Variants in NBAS observed in about 807,000 individuals in gnomAD.
The protein encoded by NBAS is NBAS subunit of NRZ tethering complex, also known as NAG/BC035112 fusion.
A neutral mutation model predicts 302.5 loss-of-function variants in NBAS; 219 were observed. The observed-to-expected ratio is 0.72, with a 90% CI of 0.65 to 0.81. The LOEUF (loss-of-function observed/expected upper bound fraction) is 0.81, where lower values mean the gene tolerates loss of function less well. NBAS is among the 30% of genes least tolerant of loss of function. The pLI is 0.00. For missense variants in NBAS, 2,932 were observed against 2,841.6 expected (o/e 1.03, Z -0.72); for synonymous variants, 1,118 against 1,021.6 (o/e 1.09, Z -1.80).
the NBAS span, among the ~76,000 whole-genome samples, chr2:14,812,655 C>T: frequency 6.6e-6 from 1 of 152,106 alleles, no homozygotes; most frequent in Admixed American, 6.5e-5. Context: ...AGAAGACAGG[C>T]TAGGAATTTC....
At chr2:15,533,679 CGT>C (rs59222907) in intron 9 of NBAS, among the ~76,000 whole-genome samples, 3,906 of 143,928 alleles carry the variant, frequency 0.027, 84 homozygotes, top group East Asian at 0.086. Context: ...GGGGGGTGTG[CGT>C]GTGTGTGTGT....
chr2:15,475,688 T>C lies in NBAS; in HGVS notation c.1340A>G (p.Glu447Gly), dbSNP rs1680158162. The C allele has an allele frequency of 1.2e-6, 2 of 1,613,850 alleles. No individual in the cohort carries two copies. The highest frequency in any genetic ancestry group is 2.2e-5 in the South Asian group (2 of 91,072). Residue 447 changes from glutamate (E) to glycine (G), a missense_variant and splice_region_variant, in exon 14 of 52, where the codon GAG becomes GGG. Physicochemically the swap from Glu to Gly is moderately conservative, Grantham distance 98. Coordinates refer to ENST00000281513, the MANE Select transcript of NBAS (RefSeq NM_015909.4). ...ATHDGGFLSL[E>G]CEIKLAPKRS... ...CAAACAAACAGGAAAAAGCCTTACC[T>C]CCAAACTTAAAAATCCCCCATCATG...
chr2:14,785,160 C>T, the NBAS span, among the ~76,000 whole-genome samples: 1 of 152,118 alleles, frequency 6.6e-6, no homozygotes, highest in Non-Finnish European at 1.5e-5. Context: ...GATTTTTGTA[C>T]ATTGATTTTG....
At chr2:15,190,661 G>C (rs747834964) in intron 48 of NBAS, among the ~76,000 whole-genome samples, 2 of 152,132 alleles carry the variant, frequency 1.3e-5, no homozygotes, top group Non-Finnish European at 2.9e-5. Context: ...GACTTCCACA[G>C]AACTGGCTTG....
chr2:15,076,508 C>T, the NBAS span, among the ~76,000 whole-genome samples: 122 of 152,234 alleles, frequency 8.0e-4, no homozygotes, highest in East Asian at 3.9e-4. Context: ...TGGGACTTGG[C>T]GACAGAAATA....
At chr2:15,102,667 A>T in the NBAS span, among the ~76,000 whole-genome samples, 2 of 152,156 alleles carry the variant, frequency 1.3e-5, no homozygotes, top group African/African-American at 4.8e-5. Context: ...AAGGTACTTG[A>T]AATGTTCTTC....
the NBAS span, among the ~76,000 whole-genome samples, chr2:14,979,585 G>A: frequency 1.6e-4 from 25 of 152,260 alleles, no homozygotes; most frequent in African/African-American, 2.6e-4. Flanking sequence ...TGGGATTCAC[G>A]ACCAGATATT....
At chr2:15,499,401 C>T (rs1437133124) in intron 11 of NBAS, among the ~76,000 whole-genome samples, 1 of 152,182 alleles carries the variant, frequency 6.6e-6, no homozygotes, top group Non-Finnish European at 1.5e-5. Context: ...AAATGTGTTA[C>T]ATACATGGAA....
intron 21 of NBAS, among the ~76,000 whole-genome samples, chr2:15,445,240 G>C (rs1482236790): frequency 3.4e-5 from 5 of 148,294 alleles, no homozygotes; most frequent in Admixed American, 2.0e-4. Flanking sequence ...CAATAGCAAA[G>C]ACTTGGAACC....
At chr2:14,783,427 G>A in the NBAS span, among the ~76,000 whole-genome samples, 173 of 149,592 alleles carry the variant, frequency 1.2e-3, 1 homozygote, top group African/African-American at 3.9e-3. Flanking sequence ...CCATTAACTC[G>A]TCATTTAGCA....
the NBAS span, among the ~76,000 whole-genome samples, chr2:14,801,990 G>T: frequency 1.4e-5 from 2 of 146,488 alleles, no homozygotes; most frequent in African/African-American, 5.1e-5. Context: ...CACTCTGATG[G>T]TAGTTTCTTT....
chr2:15,325,375 T>C (rs1341012276), intron 38 of NBAS, among the ~76,000 whole-genome samples: 1 of 142,902 alleles, frequency 7.0e-6, no homozygotes, highest in African/African-American at 2.7e-5. Context: ...TAAAAATCCT[T>C]TATTGCTAAA....
At chr2:15,443,410 T>G (rs868598808) in intron 21 of NBAS, among the ~76,000 whole-genome samples, 12 of 152,180 alleles carry the variant, frequency 7.9e-5, no homozygotes, top group African/African-American at 2.4e-4. Context: ...ACCACATGAT[T>G]GTCTCAACAG....
chr2:14,921,906 A>G, the NBAS span, among the ~76,000 whole-genome samples: 1 of 152,096 alleles, frequency 6.6e-6, no homozygotes, highest in Admixed American at 6.5e-5. Flanking sequence ...TCCCCAGCAA[A>G]ATCCATCCCC....
At chr2:15,052,867 A>T in the NBAS span, among the ~76,000 whole-genome samples, 6 of 152,210 alleles carry the variant, frequency 3.9e-5, no homozygotes, top group Non-Finnish European at 8.8e-5. Flanking sequence ...GGAATCCTCA[A>T]AGTATGATAG....
At chr2:15,097,516 C>T in the NBAS span, among the ~76,000 whole-genome samples, 8 of 152,090 alleles carry the variant, frequency 5.3e-5, no homozygotes, top group African/African-American at 1.9e-4. Flanking sequence ...ATTTGTTCCT[C>T]ACAGTTTTGA....
chr2:15,384,703 T>G (rs1459994974), intron 28 of NBAS, among the ~76,000 whole-genome samples: 1 of 152,192 alleles, frequency 6.6e-6, no homozygotes, highest in Non-Finnish European at 1.5e-5. Flanking sequence ...CTTAGTTAAA[T>G]ACACATGAGT....
At chr2:15,162,103 A>C (rs1663912921), downstream of NBAS, among the ~76,000 whole-genome samples, 1 of 152,198 alleles carries the variant, frequency 6.6e-6, no homozygotes, top group Non-Finnish European at 1.5e-5. Flanking sequence ...GAGAAAGCCA[A>C]ATAAAGTTGC....
intron 21 of NBAS, among the ~76,000 whole-genome samples, chr2:15,440,485 C>T (rs1053693139): frequency 3.3e-5 from 5 of 152,172 alleles, no homozygotes; most frequent in African/African-American, 1.2e-4. Flanking sequence ...ACAGAAAGGA[C>T]ATCCACACCA....
Sources: gnomAD v4.1 joint callset for allele counts (sites outside exome capture counted in the v4.1 genomes callset) on GRCh38, gnomAD v4.1.1 for gene constraint, MANE v1.5 for transcripts, NCBI Gene and HGNC (gene_info 2026-07-23, HGNC 2026-07-21) for gene names.